Variants in ITGB3BP observed in about 807,000 individuals in gnomAD.
The protein encoded by ITGB3BP is centromere protein R.
Under a neutral mutation model 29.1 loss-of-function variants are expected in ITGB3BP, and 27 were observed. The observed-to-expected ratio is 0.93, with a 90% CI of 0.68 to 1.28. ITGB3BP has a LOEUF of 1.28. ITGB3BP is among the 50% of genes most tolerant of loss of function. The probability of loss-of-function intolerance (pLI) is 0.00; values close to 1 mark genes in which losing one functional copy is unlikely to be tolerated. For synonymous variants in ITGB3BP, 61 were observed against 61.4 expected (o/e 0.99, Z 0.03); for missense variants, 192 against 200.2 (o/e 0.96, Z 0.25).
intron 2 of ITGB3BP, among the ~76,000 whole-genome samples, chr1:63,493,949 G>A (rs768191875): frequency 1.3e-5 from 2 of 152,236 alleles, no homozygotes; most frequent in African/African-American, 2.4e-5. Context: ...AGGGCAGCTA[G>A]AAGGAGATAA....
chr1:63,469,736 TA>T (rs1308968478), intron 4 of ITGB3BP, among the ~76,000 whole-genome samples: 1 of 152,196 alleles, frequency 6.6e-6, no homozygotes, highest in Non-Finnish European at 1.5e-5. Context: ...GTCCAAAAGT[TA>T]AAAATCTACT....
Position 63,478,880 on chromosome 1 carries a change from C to A in ITGB3BP, c.185-47G>T, listed in dbSNP as rs374390137. On this transcript the variant is annotated intron_variant, in intron 3 of 8. Transcript: ENST00000271002. ...AAGGACATAAAGTTAAAGGAGAAATCATCAAATTTTAAATAGAATTTAGTT... is the reference window on the plus strand; with the variant it reads ...AAGGACATAAAGTTAAAGGAGAAATAATCAAATTTTAAATAGAATTTAGTT... The A allele has an allele frequency of 4.5e-4, 303 of 676,854 alleles. 2 individuals carry two copies. Among genetic ancestry groups the A allele is most frequent in the Non-Finnish European group, 6.6e-5 (28 of 421,578 alleles). 41.9% of individuals were successfully genotyped at this position (676,854 alleles called of 1,614,324 possible).
chr1:63,459,288 C>T (rs895011816), intron 4 of ITGB3BP, among the ~76,000 whole-genome samples: 3 of 152,114 alleles, frequency 2.0e-5, no homozygotes, highest in African/African-American at 7.2e-5. Flanking sequence ...TATTCTAATA[C>T]AGCATTCTCA....
At chr1:63,474,923 AAAC>A (rs1645306641) in intron 4 of ITGB3BP, among the ~76,000 whole-genome samples, 6 of 15,370 alleles carry the variant, frequency 3.9e-4, no homozygotes, top group African/African-American at 4.3e-4. Context: ...AATAAAAACA[AAAC>A]AAAACAAAAA....
chr1:63,506,271 A>G (rs1032854684), intron 2 of ITGB3BP, among the ~76,000 whole-genome samples: 1 of 151,994 alleles, frequency 6.6e-6, no homozygotes, highest in African/African-American at 2.4e-5. Context: ...TTATGTAATG[A>G]CCTTCTTTGT....
intron 1 of ITGB3BP, among the ~76,000 whole-genome samples, chr1:63,520,418 G>A (rs1171943376): frequency 2.0e-5 from 3 of 152,100 alleles, no homozygotes; most frequent in African/African-American, 4.8e-5. Context: ...ACTAATTTCA[G>A]AATGTACACA....
At chr1:63,453,646 CAA>C (rs1011687344) in intron 7 of ITGB3BP, 2 of 260,090 alleles carry the variant, frequency 7.7e-6, no homozygotes, top group African/African-American at 4.5e-5. Flanking sequence ...AATAAAAAGA[CAA>C]AATTCAAATC....
chr1:63,510,286 T>C (rs1646172588), intron 1 of ITGB3BP: 1 of 397,222 alleles, frequency 2.5e-6, no homozygotes, highest in Admixed American at 4.4e-5. Context: ...GATGCAATAG[T>C]ATCTTTTAGA....
chr1:63,486,459 G>A (rs971973477), intron 3 of ITGB3BP, among the ~76,000 whole-genome samples: 3 of 151,872 alleles, frequency 2.0e-5, no homozygotes, highest in Middle Eastern at 3.4e-3. Context: ...TACATATTTC[G>A]TGTGTTATAT....
rs182971881 is a variant in ITGB3BP, at chr1:63,441,427, G to A, written c.*2-324C>T. 4.4e-3 allele frequency among the ~76,000 whole-genome samples: 668 copies of A among 150,970 alleles called. 4 individuals are homozygous for A. Among genetic ancestry groups the A allele is most frequent in the African/African-American group, 0.015 (614 of 40,412 alleles). ...TAATTTTTGTATTTTTAGTAGAGACGGGGTTTCACTATGTTGGCCAGGCTG... is the reference window on the plus strand; with the variant it reads ...TAATTTTTGTATTTTTAGTAGAGACAGGGTTTCACTATGTTGGCCAGGCTG... On this transcript the variant is annotated intron_variant, in intron 8 of 8. Transcript: ENST00000271002.
chr1:63,445,784 C>T (rs1053849184), intron 8 of ITGB3BP, among the ~76,000 whole-genome samples: 3 of 151,806 alleles, frequency 2.0e-5, no homozygotes, highest in Non-Finnish European at 4.4e-5. Context: ...TTTGTAGAGA[C>T]ATGGTCTGTC....
chr1:63,501,628 C>A (rs575988958), intron 2 of ITGB3BP, among the ~76,000 whole-genome samples: 1 of 151,802 alleles, frequency 6.6e-6, no homozygotes, highest in African/African-American at 2.4e-5. Context: ...TCTAGGAGGC[C>A]GAGATGGGCA....
intron 4 of ITGB3BP, among the ~76,000 whole-genome samples, chr1:63,456,204 T>C (rs1000304429): frequency 1.3e-5 from 2 of 152,190 alleles, no homozygotes; most frequent in Non-Finnish European, 2.9e-5. Context: ...AAAATTTTGA[T>C]ATACAATGTA....
At chr1:63,461,951 C>T (rs1645024941) in intron 4 of ITGB3BP, among the ~76,000 whole-genome samples, 1 of 152,150 alleles carries the variant, frequency 6.6e-6, no homozygotes, top group African/African-American at 2.4e-5. Context: ...TTTAGGGTCT[C>T]CTGTAGCTTC....
At chr1:63,521,983 A>AACCAAAGGCACATACTGTATATT (rs1646460132) in intron 1 of ITGB3BP, among the ~76,000 whole-genome samples, 5 of 152,204 alleles carry the variant, frequency 3.3e-5, no homozygotes, top group Admixed American at 2.6e-4. Flanking sequence ...GATTTTTCTA[A>AACCAAAGGCACATACTGTATATT]TGCAAGAGTA....
At chr1:63,444,578 G>GATATATATATATCTCCTATTACA (rs1644767316) in intron 8 of ITGB3BP, among the ~76,000 whole-genome samples, 11 of 142,028 alleles carry the variant, frequency 7.7e-5, no homozygotes, top group African/African-American at 2.7e-4. Flanking sequence ...TACATAATAG[G>GATATATATATATCTCCTATTACA]ATATATATAT....
At chr1:63,500,103 G>T (rs928864846) in intron 2 of ITGB3BP, among the ~76,000 whole-genome samples, 4 of 152,102 alleles carry the variant, frequency 2.6e-5, no homozygotes, top group African/African-American at 9.7e-5. Flanking sequence ...AGGGCGGGGG[G>T]GCTGTGACTC....
chr1:63,523,085 C>G, intron 1 of ITGB3BP, 44 bp downstream of exon 1: 1 of 1,612,226 alleles, frequency 6.2e-7, no homozygotes, highest in Non-Finnish European at 8.5e-7. Flanking sequence ...TCTCTTCTTG[C>G]AGAGGGCCCC....
chr1:63,461,253 CAAAAAAAAA>C (rs35374545), intron 4 of ITGB3BP, among the ~76,000 whole-genome samples: 2 of 56,810 alleles, frequency 3.5e-5, no homozygotes, highest in Admixed American at 5.2e-4. Context: ...GACTCCATCT[CAAAAAAAAA>C]AAAAAAAAAA....
Sources: gnomAD v4.1 joint callset for allele counts (sites outside exome capture counted in the v4.1 genomes callset) on GRCh38, gnomAD v4.1.1 for gene constraint, MANE v1.5 for transcripts, NCBI Gene and HGNC (gene_info 2026-07-23, HGNC 2026-07-21) for gene names.